DIAPH2: variants seen among roughly 807,000 people sequenced by gnomAD.
DIAPH2 encodes diaphanous related formin 2.
Under a neutral mutation model 92.7 loss-of-function variants are expected in DIAPH2, and 35 were observed. The ratio of observed to expected loss-of-function variants is 0.38; its 90% confidence interval spans 0.29 to 0.50. The LOEUF is 0.50. DIAPH2 is among the 20% of genes least tolerant of loss of function. DIAPH2 has a pLI of 0.94. For missense variants in DIAPH2, 701 were observed against 819.5 expected (o/e 0.86, Z 1.77); for synonymous variants, 301 against 280.4 (o/e 1.07, Z -0.73).
intron 26 of DIAPH2, among the ~76,000 whole-genome samples, chrX:97,541,543 G>A (rs1440092752): frequency 8.9e-6 from 1 of 111,975 alleles, no homozygotes; most frequent in Non-Finnish European, 1.9e-5. Flanking sequence ...TCAACAGGAA[G>A]GTATAACAAT....
chrX:96,802,538 C>T (rs910468493), intron 4 of DIAPH2, among the ~76,000 whole-genome samples: 1 of 111,409 alleles, frequency 9.0e-6, no homozygotes, highest in African/African-American at 3.3e-5. Flanking sequence ...GGTATGAATG[C>T]CCTTGGAATG....
chrX:97,594,198 T>TAC (rs1315530609), intron 26 of DIAPH2, among the ~76,000 whole-genome samples: 1 of 109,622 alleles, frequency 9.1e-6, no homozygotes, highest in African/African-American at 3.3e-5. Context: ...TATATATATA[T>TAC]ACGTACACAT....
chrX:97,465,138 C>T (rs775242197), intron 26 of DIAPH2, among the ~76,000 whole-genome samples: 4 of 111,336 alleles, frequency 3.6e-5, no homozygotes, highest in East Asian at 5.6e-4. Context: ...TGAGCCACCG[C>T]GCCCGGCCAT....
chrX:97,468,067 AG>A lies in DIAPH2; in HGVS notation c.3241+38326del, dbSNP rs1249430388. 1.8e-4 allele frequency among the ~76,000 whole-genome samples: 20 copies of A among 112,065 alleles called. No homozygotes were observed. In the South Asian group the frequency reaches 2.6e-3, roughly 15 times the overall value. ...GAGCTGTCAATCAGACCAAGCTGTC[AG>A]GGGAATACTTTTTTAAAAAACAAAC... On this transcript the variant is annotated intron_variant, in intron 26 of 26. Transcript: ENST00000324765.
intron 22 of DIAPH2, among the ~76,000 whole-genome samples, chrX:97,187,450 A>G (rs1345457285): frequency 5.6e-5 from 6 of 107,174 alleles, no homozygotes; most frequent in African/African-American, 2.0e-4. Flanking sequence ...TAATTTTTGT[A>G]TTTTTAGTAG....
intron 23 of DIAPH2, among the ~76,000 whole-genome samples, chrX:97,347,010 T>TTCCTCATGTGGGTTA (rs2069162905): frequency 9.1e-6 from 1 of 110,228 alleles, no homozygotes; most frequent in Non-Finnish European, 1.9e-5. Context: ...TCTGTTTCCT[T>TTCCTCATGTGGGTTA]TCCTCATGTG....
chrX:97,093,561 C>A (rs2066843486), intron 19 of DIAPH2, among the ~76,000 whole-genome samples: 1 of 112,091 alleles, frequency 8.9e-6, no homozygotes, highest in South Asian at 3.7e-4. Flanking sequence ...ATATGTCCTA[C>A]TTTTTAATGC....
intron 25 of DIAPH2, among the ~76,000 whole-genome samples, chrX:97,405,412 G>T (rs376601017): frequency 1.8e-5 from 2 of 111,478 alleles, no homozygotes; most frequent in African/African-American, 6.5e-5. Flanking sequence ...GTGAAAAATT[G>T]ACAACATCTC....
At chrX:97,281,094 C>G (rs754720937) in intron 23 of DIAPH2, among the ~76,000 whole-genome samples, 4 of 111,948 alleles carry the variant, frequency 3.6e-5, no homozygotes, top group Non-Finnish European at 5.6e-5. Context: ...AACCTAATTT[C>G]AAGAGTAAAA....
At position 97,425,822 on chromosome X, in the gene DIAPH2, G is replaced by C. The variant is rs867135773; in HGVS notation, c.3146-3828G>C. Among the ~76,000 whole-genome samples, 7 of 87,106 alleles carry C rather than the reference G, an allele frequency of 8.0e-5. No individual in the cohort carries two copies. The Admixed American group carries it at 9.4e-4, about 12-fold the overall frequency. 75.6% of individuals were successfully genotyped at this position (87,106 alleles called of 115,157 possible). ...TCATATACTGGGTGTGTGTGTGTATGTATATGTGTGTGTGTGTGTGTGTAT... is the reference window on the plus strand; with the variant it reads ...TCATATACTGGGTGTGTGTGTGTATCTATATGTGTGTGTGTGTGTGTGTAT... On this transcript the variant is annotated intron_variant, in intron 25 of 26. Transcript: ENST00000324765.
chrX:97,407,943 C>G (rs2069827119), intron 25 of DIAPH2, among the ~76,000 whole-genome samples: 2 of 111,903 alleles, frequency 1.8e-5, no homozygotes, highest in Non-Finnish European at 3.8e-5. Flanking sequence ...ACTATTTTCT[C>G]TGGTTTTACC....
At chrX:97,129,362 T>C (rs767691678) in intron 21 of DIAPH2, among the ~76,000 whole-genome samples, 1 of 108,548 alleles carries the variant, frequency 9.2e-6, no homozygotes, top group African/African-American at 3.4e-5. Flanking sequence ...AGATGAGGTT[T>C]CACCATATAG....
intron 4 of DIAPH2, among the ~76,000 whole-genome samples, chrX:96,871,546 G>A (rs1269124206): frequency 9.4e-6 from 1 of 106,263 alleles, no homozygotes; most frequent in Non-Finnish European, 1.9e-5. Context: ...TAAATGCAGT[G>A]TAATTCCAAA....
intron 26 of DIAPH2, among the ~76,000 whole-genome samples, chrX:97,509,012 G>GTTATTTATTTATTTAT (rs56002860): frequency 2.1e-4 from 19 of 90,425 alleles, no homozygotes; most frequent in Admixed American, 6.3e-4. Flanking sequence ...AGCATACAAA[G>GTTATTTATTTATTTAT]TTATTTATTT....
chrX:97,062,734 T>TA (rs1203214840), intron 17 of DIAPH2, among the ~76,000 whole-genome samples: 1 of 110,925 alleles, frequency 9.0e-6, no homozygotes, highest in Non-Finnish European at 1.9e-5. Context: ...AAACTTGACT[T>TA]AAAAAAAGAA....
chrX:97,429,527 A>G, intron 25 of DIAPH2, 123 bp from the exon 26 acceptor site: 1 of 967,957 alleles, frequency 1.0e-6, no homozygotes, highest in Middle Eastern at 4.1e-4. Context: ...CCATTATGTT[A>G]AAACAGATAT....
At chrX:96,861,406 C>T (rs1380417564) in intron 4 of DIAPH2, among the ~76,000 whole-genome samples, 1 of 111,463 alleles carries the variant, frequency 9.0e-6, no homozygotes. Context: ...CCTTGCACTT[C>T]CTCATTCTCT....
intron 17 of DIAPH2, among the ~76,000 whole-genome samples, chrX:97,058,638 T>A (rs1769904315): frequency 9.0e-6 from 1 of 110,833 alleles, no homozygotes; most frequent in African/African-American, 3.3e-5. Context: ...TGTTCTGTCT[T>A]CTCTGGGCTC....
At chrX:96,873,647 TACACACAC>T (rs3082738) in intron 4 of DIAPH2, among the ~76,000 whole-genome samples, 10,643 of 95,715 alleles carry the variant, frequency 0.11, 531 homozygotes, top group East Asian at 0.33. Context: ...CGTATATATA[TACACACAC>T]ACACACACAC....
Sources: gnomAD v4.1 joint callset for allele counts (sites outside exome capture counted in the v4.1 genomes callset) on GRCh38, gnomAD v4.1.1 for gene constraint, MANE v1.5 for transcripts, NCBI Gene and HGNC (gene_info 2026-07-23, HGNC 2026-07-21) for gene names.